TVP23C: variants seen among roughly 807,000 people sequenced by gnomAD.
The protein encoded by TVP23C is trans-golgi network vesicle protein 23 homolog C.
A neutral mutation model predicts 28.7 loss-of-function variants in TVP23C; 19 were observed. That is an observed-to-expected ratio of 0.66 (90% confidence interval 0.46 to 0.97). The LOEUF (loss-of-function observed/expected upper bound fraction) is 0.97. Among genes scored for constraint, TVP23C ranks in the 50% least tolerant of loss-of-function variants. TVP23C has a pLI of 0.00. For synonymous variants in TVP23C, 68 were observed against 81.7 expected, an observed-to-expected ratio of 0.83 and a Z score of 0.90; for missense variants, 186 against 241.3, an observed-to-expected ratio of 0.77 and a Z score of 1.52.
At chr17:15,506,010 C>A (rs368815808) in intron 5 of TVP23C, among the ~76,000 whole-genome samples, 1 of 152,244 alleles carries the variant, frequency 6.6e-6, no homozygotes, top group African/African-American at 2.4e-5. Flanking sequence ...GCCTCCCCGA[C>A]GAGCGCCACC....
At chr17:15,502,902 G>C in exon 6 of TVP23C, 1 of 1,601,896 alleles carries the variant, frequency 6.2e-7, no homozygotes. Context: ...TTTGGCCCGG[G>C]CTCACCAGTT....
rs1983999329 is a variant in TVP23C, at chr17:15,553,718, G to A, written c.207C>T (p.Ile69=). 4.3e-6 allele frequency: 7 copies of A among 1,612,724 alleles called. No homozygotes were observed. The highest frequency in any genetic ancestry group is 5.9e-6 in the Non-Finnish European group (7 of 1,179,670). Residue 69 remains isoleucine (I), a synonymous_variant, in exon 3 of 6, where the codon ATC becomes ATT. Transcript: ENST00000518321. The stretch of plus-strand genomic sequence containing the variant: ...CCCAAAAGTCACACGACAACAACAA[G>A]ATAATTGTAACCATACAGGTAATAA... ...SSFITCMVTI[I]LLLSCDFWAV...
intron 4 of TVP23C, among the ~76,000 whole-genome samples, chr17:15,546,472 A>G (rs1983652243): frequency 6.6e-6 from 1 of 151,950 alleles, no homozygotes; most frequent in Non-Finnish European, 1.5e-5. Context: ...ATAACTTGTC[A>G]ATACCCTTGG....
At chr17:15,557,572 T>C (rs2150862495) in intron 1 of TVP23C, among the ~76,000 whole-genome samples, 1 of 148,738 alleles carries the variant, frequency 6.7e-6, no homozygotes, top group Non-Finnish European at 1.5e-5. Flanking sequence ...GTGCTGGGAT[T>C]ATAGGTGTGA....
rs147792640 is a variant in TVP23C, at chr17:15,513,804, G to A, written c.463-10572C>T. On this transcript the variant is annotated intron_variant, in intron 5 of 5. Coordinates refer to the TVP23C transcript ENST00000225576. The stretch of plus-strand genomic sequence containing the variant: ...AGTCCCTAACTATCACCACCCCACC[G>A]GCTCCATGCAACCTTTCCCTAATTC... Among the ~76,000 whole-genome samples, 563 of 152,182 alleles carry A rather than the reference G, an allele frequency of 3.7e-3. 6 individuals carry two copies. The highest frequency in any genetic ancestry group is 0.016 in the Admixed American group (239 of 15,282).
At chr17:15,524,805 A>G (rs562677573) in intron 5 of TVP23C, among the ~76,000 whole-genome samples, 1,707 of 152,236 alleles carry the variant, frequency 0.011, 36 homozygotes, top group African/African-American at 0.039. Flanking sequence ...TTATGCCTTC[A>G]TCCTAAGATA....
At chr17:15,533,740 T>C (rs540664008), downstream of TVP23C, among the ~76,000 whole-genome samples, 810 of 152,170 alleles carry the variant, frequency 5.3e-3, 4 homozygotes, top group Non-Finnish European at 9.0e-3. Context: ...TGGGGTTGTG[T>C]TGGGTGATTT....
chr17:15,525,776 G>C (rs1567635372), intron 5 of TVP23C, among the ~76,000 whole-genome samples: 1 of 152,170 alleles, frequency 6.6e-6, no homozygotes, highest in African/African-American at 2.4e-5. Flanking sequence ...TATGATTGGG[G>C]AAACTGCATG....
At chr17:15,506,079 C>T (rs1597500363) in intron 5 of TVP23C, among the ~76,000 whole-genome samples, 1 of 152,258 alleles carries the variant, frequency 6.6e-6, no homozygotes, top group Non-Finnish European at 1.5e-5. Flanking sequence ...TGCGAGCGCA[C>T]GGCGCAGGAC....
intron 5 of TVP23C, 131 bp downstream of exon 5, chr17:15,545,654 G>C (rs1463319034): frequency 2.2e-6 from 3 of 1,348,632 alleles, no homozygotes; most frequent in Non-Finnish European, 2.9e-6. Context: ...AGCAAAACTT[G>C]GGAATTACAT....
chr17:15,522,770 C>T (rs1028032323), intron 5 of TVP23C, among the ~76,000 whole-genome samples: 7 of 152,266 alleles, frequency 4.6e-5, no homozygotes, highest in African/African-American at 1.4e-4. Flanking sequence ...TGGCCAAGCA[C>T]TGTGGCTCAC....
intron 5 of TVP23C, among the ~76,000 whole-genome samples, chr17:15,524,796 T>C (rs1982652851): frequency 6.6e-6 from 1 of 152,152 alleles, no homozygotes; most frequent in African/African-American, 2.4e-5. Context: ...TGAAAACCTT[T>C]ATGCCTTCAT....
Position 15,539,381 on chromosome 17 carries a change from G to C in TVP23C, c.*1031C>G, listed in dbSNP as rs1256637609. 2.5e-6 allele frequency: 2 copies of C among 790,042 alleles called. No homozygotes were observed. The highest frequency in any genetic ancestry group is 3.1e-6 in the Non-Finnish European group (2 of 651,820). The allele number at this position is 790,042 out of a possible 1,614,324, so 48.9% of individuals were successfully genotyped here. ...CCAGCACTTTGGGAGGCGGAGGCAG[G>C]CGGATCACGAGGTCAGGAGATCGAG... On this transcript the variant is annotated 3_prime_UTR_variant, in exon 6 of 6. Transcript: ENST00000518321.
chr17:15,545,852 A>G lies in TVP23C; in HGVS notation c.395T>C (p.Ile132Thr), dbSNP rs151046971. The G allele has an allele frequency of 5.9e-5, 96 of 1,614,178 alleles. No individual in the cohort carries two copies. The highest frequency in any genetic ancestry group is 4.0e-4 in the South Asian group (36 of 91,088). ...TATCACCCACAGTACTGAACAGGCAATAAGTCCCAACCAAAAGATTCTTGA... is the reference window on the plus strand; with the variant it reads ...TATCACCCACAGTACTGAACAGGCAGTAAGTCCCAACCAAAAGATTCTTGA... ...AESRIFWLGL[I>T]ACSVLWVIFA... Residue 132 changes from isoleucine to threonine, a missense_variant, in exon 5 of 6, where the codon ATT becomes ACT. Physicochemically the swap from Ile to Thr is moderately conservative, Grantham distance 89 (BLOSUM62 -1). Transcript: ENST00000518321.
Position 15,545,863 on chromosome 17 carries a change from C to G in TVP23C, c.384G>C (p.Trp128Cys). 14 of 1,614,102 alleles carry G rather than the reference C, an allele frequency of 8.7e-6. No homozygotes were observed. The highest frequency in any genetic ancestry group is 1.2e-5 in the Non-Finnish European group (14 of 1,179,972). ...TVSEAESRIF[W>C]LGLIACSVLW... ...GTACTGAACAGGCAATAAGTCCCAA[C>G]CAAAAGATTCTTGATTCAGCCTCTG... The change falls in exon 5 of 6, where the codon TGG (tryptophan) becomes TGC (cysteine). Residue 128 changes from tryptophan (W) to cysteine (C), a missense_variant. Trp to Cys is a radical substitution (Grantham distance 215). Coordinates refer to ENST00000518321, the MANE Select transcript of TVP23C (RefSeq NM_001135036.2).
Position 15,503,296 on chromosome 17 carries a change from T to C in TVP23C, c.463-64A>G, listed in dbSNP as rs771167708. Reference sequence around the variant, plus strand: ...GTGGCGCGCCTGTGGTTCCAGCTACTTGACAGGCCGAGATGGGAGGATCGC... The same window carrying C: ...GTGGCGCGCCTGTGGTTCCAGCTACCTGACAGGCCGAGATGGGAGGATCGC... On this transcript the variant is annotated intron_variant, in intron 5 of 5. Transcript: ENST00000225576. 2.1e-6 allele frequency: 3 copies of C among 1,438,020 alleles called. No homozygotes were observed. In the African/African-American group the frequency reaches 4.3e-5, roughly 21 times the overall value. The allele number at this position is 1,438,020 out of a possible 1,614,324, so 89.1% of individuals were successfully genotyped here.
chr17:15,502,704 GTTCT>G (rs1286180730), exon 6 of TVP23C: 13 of 1,194,234 alleles, frequency 1.1e-5, no homozygotes, highest in Admixed American at 7.0e-5. Context: ...CTGTTCGTTC[GTTCT>G]TTCTCTCTCT....
Position 15,560,657 on chromosome 17 carries a change from G to A in TVP23C, c.12+2780C>T, listed in dbSNP as rs867619818. On this transcript the variant is annotated intron_variant, in intron 1 of 5. Transcript: ENST00000518321. Reference sequence around the variant, plus strand: ...TGCAAGCTCCGCCTCCCAGGTTTACGCCATTCTCCTGCCTCAGCTTCCCGA... The same window carrying A: ...TGCAAGCTCCGCCTCCCAGGTTTACACCATTCTCCTGCCTCAGCTTCCCGA... 1.4e-4 allele frequency among the ~76,000 whole-genome samples: 21 copies of A among 148,728 alleles called. No individual in the cohort carries two copies. In the East Asian group the frequency reaches 2.6e-3, roughly 18 times the overall value.
chr17:15,508,996 G>T (rs374378039), intron 5 of TVP23C, among the ~76,000 whole-genome samples: 3 of 152,156 alleles, frequency 2.0e-5, no homozygotes, highest in Non-Finnish European at 4.4e-5. Context: ...CTATTTTGGG[G>T]TATGTTTTAG....
Sources: allele counts gnomAD v4.1 joint callset (sites outside exome capture counted in the v4.1 genomes callset), GRCh38; gene constraint gnomAD v4.1.1; transcripts MANE v1.5; gene names NCBI Gene and HGNC (gene_info 2026-07-23, HGNC 2026-07-21).